PCDH15: variants seen among roughly 807,000 people sequenced by gnomAD.
PCDH15 encodes the protein protocadherin-15.
Under a neutral mutation model 178.5 loss-of-function variants are expected in PCDH15, and 129 were observed. That is an observed-to-expected ratio of 0.72 (90% CI 0.63 to 0.84). The LOEUF is 0.84. Ranked by LOEUF, PCDH15 falls within the 40% of genes least tolerant of loss-of-function variation. PCDH15 has a pLI of 0.00. For missense variants in PCDH15, 2,230 were observed against 2,099.9 expected (o/e 1.06, Z -1.21); for synonymous variants, 800 against 732.0 (o/e 1.09, Z -1.50).
chr10:54,789,435 A>ATG (rs1450156005), intron 1 of PCDH15, among the ~76,000 whole-genome samples: 4 of 151,370 alleles, frequency 2.6e-5, no homozygotes, highest in Non-Finnish European at 4.4e-5. Flanking sequence ...GTGTGTGTGT[A>ATG]TGTGTGTGTG....
At chr10:53,819,908 T>G (rs2076195316) in intron 33 of PCDH15, among the ~76,000 whole-genome samples, 1 of 152,002 alleles carries the variant, frequency 6.6e-6, no homozygotes, top group Admixed American at 6.6e-5. Context: ...GGTATCTATG[T>G]TTCAATTAAA....
chr10:54,718,285 G>A (rs1223445348), intron 1 of PCDH15, among the ~76,000 whole-genome samples: 1 of 151,468 alleles, frequency 6.6e-6, no homozygotes, highest in Non-Finnish European at 1.5e-5. Flanking sequence ...AAAAGAAAAT[G>A]AGCTGACACA....
intron 3 of PCDH15, among the ~76,000 whole-genome samples, chr10:54,878,568 T>C (rs1954196119): frequency 6.6e-6 from 1 of 152,184 alleles, no homozygotes; most frequent in Non-Finnish European, 1.5e-5. Context: ...ATTCAAACTT[T>C]CTCTTTTTTT....
chr10:54,562,027 A>G (rs1036121195), intron 2 of PCDH15, among the ~76,000 whole-genome samples: 2 of 108,626 alleles, frequency 1.8e-5, no homozygotes, highest in African/African-American at 7.6e-5. Flanking sequence ...ATCTCCCTCT[A>G]TTGCCCAGGC....
intron 1 of PCDH15, among the ~76,000 whole-genome samples, chr10:55,258,416 T>C (rs1842060538): frequency 6.6e-6 from 1 of 152,180 alleles, no homozygotes; most frequent in African/African-American, 2.4e-5. Context: ...GGATCAAATT[T>C]AAATTCCACA....
chr10:53,977,879 G>T (rs1029085895), intron 21 of PCDH15, among the ~76,000 whole-genome samples: 2 of 152,178 alleles, frequency 1.3e-5, no homozygotes, highest in African/African-American at 2.4e-5. Context: ...CAGGGGGGAA[G>T]TTAAATCTTA....
At chr10:55,598,555 T>TAGATAGATAGATAGATAG (rs1564473934) in intron 2 of PCDH15, among the ~76,000 whole-genome samples, 2 of 95,414 alleles carry the variant, frequency 2.1e-5, no homozygotes, top group South Asian at 3.1e-4. Context: ...TATATATATA[T>TAGATAGATAGATAGATAG]ATATATATAT....
intron 8 of PCDH15, among the ~76,000 whole-genome samples, chr10:54,273,920 T>C (rs902552228): frequency 6.6e-6 from 1 of 151,954 alleles, no homozygotes; most frequent in African/African-American, 2.4e-5. Flanking sequence ...ATAAAGAAAA[T>C]ATGGTATATA....
At chr10:55,360,545 G>A (rs1845203126) in intron 2 of PCDH15, among the ~76,000 whole-genome samples, 1 of 151,858 alleles carries the variant, frequency 6.6e-6, no homozygotes, top group Non-Finnish European at 1.5e-5. Context: ...TAGAGAATTG[G>A]GGAATTTGAG....
chr10:53,946,995 C>A (rs941074155), intron 23 of PCDH15, among the ~76,000 whole-genome samples: 2 of 152,094 alleles, frequency 1.3e-5, no homozygotes, highest in African/African-American at 4.8e-5. Context: ...CCAGGCTGGT[C>A]TTGAACTCCT....
rs1383817657 is a variant in PCDH15 at position 54,945,356 on chromosome 10, GATAGATAT to G, written c.-79-47864_-79-47857del. Reference sequence around the variant, plus strand: ...TAGATAGATAGATAGATAGATGATAGATAGATATATAGATAGATAGATAGATAGATAGA... The same window carrying G: ...TAGATAGATAGATAGATAGATGATAGATAGATAGATAGATAGATAGATAGA... On this transcript the variant is annotated intron_variant, in intron 2 of 5. Coordinates refer to the PCDH15 transcript ENST00000458638. Among the ~76,000 whole-genome samples the G allele has an allele frequency of 1.9e-3, 205 of 109,374 alleles. 2 individuals carry two copies. Among genetic ancestry groups the G allele is most frequent in the African/African-American group, 5.3e-3 (184 of 34,514 alleles). The allele number at this position is 109,374 out of a possible 152,430, so 71.8% of individuals were successfully genotyped here. A position where few individuals can be genotyped will look rare whatever the true frequency, so the allele number is the denominator to read the frequency against.
At position 53,827,511 on chromosome 10, in the gene PCDH15, C is replaced by T. The variant is rs1284117885; in HGVS notation, c.4249G>A (p.Ala1417Thr). The T allele has an allele frequency of 3.7e-6, 6 of 1,613,962 alleles. No individual in the cohort carries two copies. The highest frequency in any genetic ancestry group is 1.6e-4 in the Middle Eastern group (1 of 6,084). ...AECTKTARIQ[A>T]ALPAAKPAVP... Reference sequence around the variant, plus strand: ...GCTGGTTTAGCCGCGGGTAATGCGGCCTGAATTCGTGCAGTCTTTGTACAC... The same window carrying T: ...GCTGGTTTAGCCGCGGGTAATGCGGTCTGAATTCGTGCAGTCTTTGTACAC... Residue 1417 changes from alanine to threonine, a missense_variant, in exon 32 of 38, where the codon GCC (alanine) becomes ACC (threonine). Ala to Thr is a moderately conservative substitution (Grantham distance 58). Transcript: ENST00000644397.
intron 6 of PCDH15, among the ~76,000 whole-genome samples, chr10:54,339,659 C>A (rs1941867425): frequency 6.6e-6 from 1 of 152,146 alleles, no homozygotes. Flanking sequence ...TCTGAATCTT[C>A]TCCTAGGCTC....
intron 1 of PCDH15, among the ~76,000 whole-genome samples, chr10:54,728,871 G>C (rs182444426): frequency 0.015 from 2,278 of 151,396 alleles, 27 homozygotes; most frequent in Non-Finnish European, 0.024. Flanking sequence ...TAACTAGGGA[G>C]GTGAAAATAT....
intron 21 of PCDH15, among the ~76,000 whole-genome samples, chr10:53,966,631 A>G (rs1003401109): frequency 2.0e-5 from 3 of 152,048 alleles, no homozygotes; most frequent in African/African-American, 7.2e-5. Context: ...TTAATCTTGG[A>G]AAAAATTGTC....
intron 1 of PCDH15, among the ~76,000 whole-genome samples, chr10:54,744,929 TTTGTG>T: frequency 1.3e-5 from 2 of 152,054 alleles, no homozygotes; most frequent in South Asian, 4.1e-4. Context: ...TTACAGACAT[TTTGTG>T]TGTGTGTGTG....
At chr10:54,640,478 A>G (rs1336465458) in intron 2 of PCDH15, among the ~76,000 whole-genome samples, 1 of 152,136 alleles carries the variant, frequency 6.6e-6, no homozygotes, top group Admixed American at 6.6e-5. Flanking sequence ...TTTACTGAAC[A>G]ATGATTTTTT....
chr10:53,944,869 C>A (rs1195668802), intron 23 of PCDH15, among the ~76,000 whole-genome samples: 1 of 152,150 alleles, frequency 6.6e-6, no homozygotes, highest in Non-Finnish European at 1.5e-5. Flanking sequence ...TCCTCAAAGG[C>A]CCTTTCACAA....
chr10:53,811,653 C>A, intron 35 of PCDH15, 34 bp from the exon 36 acceptor site: 1 of 1,396,436 alleles, frequency 7.2e-7, no homozygotes, highest in Non-Finnish European at 9.7e-7. Context: ...CATTTGAAAA[C>A]GAATTCTTAT....
Sources: gnomAD v4.1 joint callset for allele counts (sites outside exome capture counted in the v4.1 genomes callset) on GRCh38, gnomAD v4.1.1 for gene constraint, MANE v1.5 for transcripts, NCBI Gene and HGNC (gene_info 2026-07-23, HGNC 2026-07-21) for gene names.